Variants in KATNIP observed in about 807,000 individuals in gnomAD.
KATNIP encodes katanin interacting protein.
In KATNIP, 126 loss-of-function variants were observed where a neutral mutation model predicts 174.0. The ratio of observed to expected loss-of-function variants is 0.72; its 90% CI spans 0.63 to 0.84. The LOEUF is 0.84. KATNIP is among the 40% of genes least tolerant of loss of function. KATNIP has a pLI of 0.00. For synonymous variants in KATNIP, 810 were observed against 835.7 expected (o/e 0.97, Z 0.53); for missense variants, 1,958 against 2,109.7 (o/e 0.93, Z 1.41).
In KATNIP at chr16:27,760,288, G is replaced by A. The variant is rs149801338; in HGVS notation, c.3632-1125G>A. On this transcript the variant is annotated intron_variant, in intron 18 of 27. Transcript: ENST00000261588. ...TAAAATATGCGGCAAATTCTCTAAGGGCAGAAGGGTTTATTGTGTTTGGTC... is the reference window on the plus strand; with the variant it reads ...TAAAATATGCGGCAAATTCTCTAAGAGCAGAAGGGTTTATTGTGTTTGGTC... Among the ~76,000 whole-genome samples, 111 of 152,240 alleles carry A rather than the reference G, an allele frequency of 7.3e-4. 1 individual carries two copies. In the East Asian group the frequency reaches 0.019, roughly 26 times the overall value.
Position 27,708,752 on chromosome 16 carries a change from G to A in KATNIP, c.1437G>A (p.Val479=), listed in dbSNP as rs767921044. Residue 479 remains valine, a synonymous_variant, in exon 13 of 28, where the codon GTG becomes GTA. Coordinates refer to ENST00000261588, the MANE Select transcript of KATNIP (RefSeq NM_015202.5). ...ACGAGATCAAAGATGCCATCTACGT[G>A]ACCATGGAGATCCTGTCCAACTGGG... ...RADEIKDAIY[V]TMEILSNWGN... The A allele has an allele frequency of 2.5e-6, 4 of 1,613,750 alleles. No homozygotes were observed.
chr16:27,652,451 G>T (rs2077148074), intron 6 of KATNIP, among the ~76,000 whole-genome samples: 1 of 152,172 alleles, frequency 6.6e-6, no homozygotes, highest in Admixed American at 6.5e-5. Context: ...TGCCAAAGTG[G>T]CAAGTCTTAG....
intron 1 of KATNIP, among the ~76,000 whole-genome samples, chr16:27,570,205 A>G (rs913458472): frequency 5.3e-5 from 8 of 152,200 alleles, no homozygotes; most frequent in Non-Finnish European, 7.3e-5. Flanking sequence ...AATAAAGGGA[A>G]GTGGTCAGAT....
In KATNIP at chr16:27,618,561, T is replaced by G. The variant is rs148812676; in HGVS notation, c.140+60T>G. 4.9e-4 allele frequency: 615 copies of G among 1,253,728 alleles called. 1 individual carries two copies. The highest frequency in any genetic ancestry group is 1.3e-3 in the Admixed American group (79 of 58,582). The allele number at this position is 1,253,728 out of a possible 1,614,324, so 77.7% of individuals were successfully genotyped here. ...TAGCGAAGTAAAAATCTATTTAGAT[T>G]TATTAACAGCAGGCAGGCCCTGCCT... On this transcript the variant is annotated intron_variant, in intron 3 of 27. Coordinates refer to ENST00000261588, the MANE Select transcript of KATNIP (RefSeq NM_015202.5).
chr16:27,740,474 T>A lies in KATNIP; in HGVS notation c.2177T>A (p.Val726Asp). ...TCCCCACCTGTGAAGTGCCCTCCTGTCCATGAGGAGCCCTCTCTCATCCAA... is the reference window on the plus strand; with the variant it reads ...TCCCCACCTGTGAAGTGCCCTCCTGACCATGAGGAGCCCTCTCTCATCCAA... ...ATSPPVKCPP[V>D]HEEPSLIQQL... The change falls in exon 15 of 28, where the codon GTC becomes GAC. Residue 726 changes from valine (V) to aspartate (D), a missense_variant. By Grantham distance (152) the Val-to-Asp change is radical (BLOSUM62 -3). Around this residue, in one of 3 missense-constraint regions of KATNIP, gnomAD observed 1,557 missense variants for 1,617.8 expected, o/e 0.96. Coordinates refer to ENST00000261588, the MANE Select transcript of KATNIP (RefSeq NM_015202.5). 6.2e-7 allele frequency: 1 copy of A among 1,614,086 alleles called. No individual in the cohort carries two copies. Among genetic ancestry groups the A allele is most frequent in the Non-Finnish European group, 8.5e-7 (1 of 1,180,016 alleles).
rs750483192 is a variant in KATNIP, at chr16:27,628,830, G to A, written c.310G>A (p.Asp104Asn). ...TGCCTCCCACACGGAGGGGACACAC[G>A]GTGAGCACAGGCCCTCCAGGCTGAG... The part of the protein sequence containing the change: ...RSASHTEGTH[D>N]YGRRTLFREA... Residue 104 changes from aspartate (D) to asparagine (N), a missense_variant and splice_region_variant, in exon 4 of 28, where the codon GAT becomes AAT. Physicochemically the swap from Asp to Asn is conservative, Grantham distance 23. Transcript: ENST00000261588. 34 of 1,613,724 alleles carry A rather than the reference G, an allele frequency of 2.1e-5. 1 individual carries two copies. The East Asian group carries it at 4.5e-4, about 21-fold the overall frequency.
intron 2 of KATNIP, among the ~76,000 whole-genome samples, chr16:27,587,184 A>G (rs1250473332): frequency 1.3e-5 from 2 of 152,126 alleles, no homozygotes; most frequent in Non-Finnish European, 2.9e-5. Context: ...CTCCTCCTGG[A>G]GTTGTTGAGA....
At chr16:27,603,570 G>T (rs1796398938) in intron 2 of KATNIP, among the ~76,000 whole-genome samples, 1 of 152,016 alleles carries the variant, frequency 6.6e-6, no homozygotes. Context: ...AGGGAAGAGG[G>T]AGCCCCTCCC....
At chr16:27,613,877 C>A (rs868719598) in intron 2 of KATNIP, among the ~76,000 whole-genome samples, 1 of 152,090 alleles carries the variant, frequency 6.6e-6, no homozygotes, top group Non-Finnish European at 1.5e-5. Flanking sequence ...TCTGTAGGCA[C>A]CTCCAGAAGC....
chr16:27,736,276 T>C (rs2080892964), intron 14 of KATNIP, among the ~76,000 whole-genome samples: 1 of 152,190 alleles, frequency 6.6e-6, no homozygotes, highest in South Asian at 2.1e-4. Flanking sequence ...GTGTTGGGAT[T>C]ACAAGCATGA....
In KATNIP at chr16:27,750,068, C is replaced by T. The variant is rs146944361; in HGVS notation, c.3108C>T (p.Asp1036=). 61 of 1,614,192 alleles carry T rather than the reference C, an allele frequency of 3.8e-5. 1 individual carries two copies. The highest frequency in any genetic ancestry group is 2.6e-4 in the South Asian group (24 of 91,076). ...KDPRVVTNLI[D]GVNRTQDDMH... is the part of the protein sequence containing the mutation. ...CCCGCGTGGTCACCAACCTCATCGA[C>T]GGGGTGAACAGGACCCAGGATGACA... The change falls in exon 16 of 28, where the codon GAC becomes GAT. Residue 1036 remains aspartate, a synonymous_variant. Transcript: ENST00000261588.
intron 23 of KATNIP, among the ~76,000 whole-genome samples, chr16:27,773,834 C>T (rs971503689): frequency 6.6e-6 from 1 of 152,144 alleles, no homozygotes; most frequent in African/African-American, 2.4e-5. Flanking sequence ...CCCCCCACTC[C>T]TCCCATTGTT....
intron 7 of KATNIP, chr16:27,681,181 T>C: frequency 1.8e-6 from 1 of 562,318 alleles, no homozygotes; most frequent in Non-Finnish European, 3.2e-6. Flanking sequence ...CCTAGAATCT[T>C]TTATGTACTT....
chr16:27,761,091 G>C (rs2081937460), intron 18 of KATNIP, among the ~76,000 whole-genome samples: 1 of 152,226 alleles, frequency 6.6e-6, no homozygotes, highest in African/African-American at 2.4e-5. Flanking sequence ...GGAATGCGTT[G>C]TTGGCCAGAA....
chr16:27,711,783 C>G (rs1310878616), intron 13 of KATNIP, among the ~76,000 whole-genome samples: 2 of 152,238 alleles, frequency 1.3e-5, no homozygotes, highest in African/African-American at 4.8e-5. Flanking sequence ...GAAGCAACAA[C>G]TGTCCCCAGG....
At chr16:27,764,603 C>T (rs7205677) in intron 19 of KATNIP, among the ~76,000 whole-genome samples, 5 of 152,142 alleles carry the variant, frequency 3.3e-5, no homozygotes, top group Middle Eastern at 3.4e-3. Flanking sequence ...CTACTTGGTC[C>T]GTTGCTGTTT....
intron 18 of KATNIP, chr16:27,754,485 G>A (rs1247090727): frequency 3.6e-6 from 2 of 549,118 alleles, no homozygotes; most frequent in Non-Finnish European, 6.5e-6. Context: ...TGCCTTCCCT[G>A]AGGGGCATTT....
intron 2 of KATNIP, among the ~76,000 whole-genome samples, chr16:27,577,872 CA>C (rs1480795079): frequency 6.6e-6 from 1 of 151,178 alleles, no homozygotes; most frequent in Non-Finnish European, 1.5e-5. Context: ...AACCCTGTCT[CA>C]AAAAAAAATT....
intron 5 of KATNIP, among the ~76,000 whole-genome samples, chr16:27,642,983 C>T (rs1450173989): frequency 1.3e-5 from 2 of 152,072 alleles, no homozygotes; most frequent in African/African-American, 2.4e-5. Context: ...AGAGTTCATC[C>T]ACAACTACAG....
Sources: allele counts gnomAD v4.1 joint callset (sites outside exome capture counted in the v4.1 genomes callset), GRCh38; gene constraint gnomAD v4.1.1; regional missense constraint gnomAD v4.1.1; transcripts MANE v1.5; gene names NCBI Gene and HGNC (gene_info 2026-07-23, HGNC 2026-07-21).